OBI1: variants seen among roughly 807,000 people sequenced by gnomAD.
The protein encoded by OBI1 is ORC ubiquitin ligase 1, also known as ring finger protein 219.
Under a neutral mutation model 62.4 loss-of-function variants are expected in OBI1, and 59 were observed. The observed-to-expected ratio is 0.95, with a 90% CI of 0.77 to 1.17. OBI1 has a LOEUF of 1.17. OBI1 is among the 50% of genes most tolerant of loss of function. OBI1 has a pLI of 0.00. For missense variants in OBI1, 875 were observed against 830.9 expected (o/e 1.05, Z -0.65); for synonymous variants, 302 against 292.8 (o/e 1.03, Z -0.32).
chr13:78,654,619 T>C (rs1260949271), intron 1 of OBI1, among the ~76,000 whole-genome samples: 2 of 152,112 alleles, frequency 1.3e-5, no homozygotes, highest in Non-Finnish European at 2.9e-5. Flanking sequence ...ATAAACAATA[T>C]GGGTGAGAAG....
At chr13:78,646,710 A>T (rs1205814213) in intron 1 of OBI1, among the ~76,000 whole-genome samples, 1 of 152,196 alleles carries the variant, frequency 6.6e-6, no homozygotes, top group East Asian at 1.9e-4. Flanking sequence ...GTGCTACTCT[A>T]TGTCTGCCTT....
intron 4 of OBI1, among the ~76,000 whole-genome samples, chr13:78,637,202 T>A (rs1876056040): frequency 6.6e-6 from 1 of 152,232 alleles, no homozygotes; most frequent in African/African-American, 2.4e-5. Context: ...TTATTCTGAA[T>A]CTTTTGTATT....
intron 1 of OBI1, among the ~76,000 whole-genome samples, chr13:78,649,355 A>T (rs1876477939): frequency 6.6e-6 from 1 of 152,228 alleles, no homozygotes; most frequent in Non-Finnish European, 1.5e-5. Flanking sequence ...TCAAGGCAAG[A>T]AAGTTTTTCA....
rs144588084 is a variant in OBI1, at chr13:78,638,999, T to G, written c.373A>C (p.Lys125Gln). The G allele has an allele frequency of 1.8e-3, 2,926 of 1,613,964 alleles. 3 individuals carry two copies. Among genetic ancestry groups the G allele is most frequent in the Non-Finnish European group, 2.3e-3 (2,742 of 1,179,884 alleles). ...AAGGTTAAAGGATCCAGAATAGTTT[T>G]GATCTGTGACTCCAAGCTGAGATTT... Reference protein sequence around the residue: ...SKNLSLESQIKTILDPLTLVQ... With the variant: ...SKNLSLESQIQTILDPLTLVQ... Residue 125 changes from lysine (K) to glutamine (Q), a missense_variant, in exon 4 of 6, where the codon AAA (lysine) becomes CAA (glutamine). Transcript: ENST00000282003.
At position 78,616,144 on chromosome 13, in the gene OBI1, A is replaced by G; in HGVS notation, c.1617T>C (p.Ser539=). Reference sequence around the variant, plus strand: ...ACTCTGACATCATTGAATCCAACTCAGAGATTTTGTCAAGGTAAGCAGCAT... The same window carrying G: ...ACTCTGACATCATTGAATCCAACTCGGAGATTTTGTCAAGGTAAGCAGCAT... ...SMDAAYLDKI[S]ELDSMMSESD... Residue 539 remains serine, a synonymous_variant, in exon 6 of 6, where the codon TCT becomes TCC. Coordinates refer to ENST00000282003, the MANE Select transcript of OBI1 (RefSeq NM_024546.4). 6.2e-7 allele frequency: 1 copy of G among 1,614,080 alleles called. No homozygotes were observed. Among genetic ancestry groups the G allele is most frequent in the Non-Finnish European group, 8.5e-7 (1 of 1,179,978 alleles).
chr13:78,637,561 T>TA (rs1315433646), intron 4 of OBI1, among the ~76,000 whole-genome samples: 3 of 152,236 alleles, frequency 2.0e-5, no homozygotes, highest in Non-Finnish European at 4.4e-5. Flanking sequence ...GGAGATCATA[T>TA]AGTGCTTACC....
chr13:78,649,149 G>T (rs1460840202), intron 1 of OBI1, among the ~76,000 whole-genome samples: 1 of 152,172 alleles, frequency 6.6e-6, no homozygotes. Context: ...AGTTCAACAA[G>T]GCAGGTTTTG....
chr13:78,615,362 T>C lies in OBI1; in HGVS notation c.*218A>G, dbSNP rs2137420247. 2.6e-6 allele frequency: 1 copy of C among 384,364 alleles called. No individual in the cohort carries two copies. The highest frequency in any genetic ancestry group is 3.9e-5 in the East Asian group (1 of 25,474). 23.8% of individuals were successfully genotyped at this position (384,364 alleles called of 1,614,324 possible). On this transcript the variant is annotated 3_prime_UTR_variant, in exon 6 of 6. Transcript: ENST00000282003. ...AAAATAACCTCCTCCCTAACTTCTC[T>C]GGTCACAAAGACTCCCAAATAAAAA... is the stretch of plus-strand genomic sequence containing the variant.
chr13:78,645,929 C>T (rs957635822), intron 1 of OBI1, among the ~76,000 whole-genome samples: 2 of 152,308 alleles, frequency 1.3e-5, no homozygotes, highest in African/African-American at 2.4e-5. Context: ...GGATTACAGG[C>T]GTGAGCCACC....
At chr13:78,646,261 A>C (rs1034131846) in intron 1 of OBI1, among the ~76,000 whole-genome samples, 1 of 152,136 alleles carries the variant, frequency 6.6e-6, no homozygotes, top group African/African-American at 2.4e-5. Context: ...TCAGAATGGA[A>C]ACTCCATGAG....
At chr13:78,643,138 A>G (rs1240684110) in intron 2 of OBI1, among the ~76,000 whole-genome samples, 2 of 152,208 alleles carry the variant, frequency 1.3e-5, no homozygotes, top group African/African-American at 4.8e-5. Flanking sequence ...AGGATGTTCT[A>G]TCCAAATGCA....
At chr13:78,658,917 G>C in intron 1 of OBI1, 132 bp downstream of exon 1, 3 of 710,648 alleles carry the variant, frequency 4.2e-6, no homozygotes, top group Non-Finnish European at 7.3e-6. Context: ...CTCCCATCAA[G>C]AACGCGGGTT....
intron 1 of OBI1, among the ~76,000 whole-genome samples, chr13:78,650,313 T>C (rs1308741571): frequency 1.3e-5 from 2 of 152,264 alleles, no homozygotes; most frequent in Non-Finnish European, 2.9e-5. Flanking sequence ...CTCCATGAGG[T>C]TGAAGTAATG....
At chr13:78,628,135 G>A (rs1400756167) in intron 5 of OBI1, among the ~76,000 whole-genome samples, 1 of 152,186 alleles carries the variant, frequency 6.6e-6, no homozygotes, top group Non-Finnish European at 1.5e-5. Flanking sequence ...TATGGACTCT[G>A]TTAAAAGGGT....
chr13:78,626,093 C>T (rs577597943), intron 5 of OBI1, among the ~76,000 whole-genome samples: 1 of 152,150 alleles, frequency 6.6e-6, no homozygotes, highest in Non-Finnish European at 1.5e-5. Context: ...TAAATAGATG[C>T]GGACAAGAAA....
intron 5 of OBI1, among the ~76,000 whole-genome samples, chr13:78,622,328 A>G (rs1441562130): frequency 1.3e-5 from 2 of 152,188 alleles, no homozygotes; most frequent in African/African-American, 4.8e-5. Context: ...TGTAGTCCCA[A>G]CTACTCAGGA....
rs563986950 is a variant in OBI1 at position 78,633,495 on chromosome 13, T to A, written c.638+1615A>T. On this transcript the variant is annotated intron_variant, in intron 5 of 5. Transcript: ENST00000282003. The stretch of plus-strand genomic sequence containing the variant: ...TTCCATTGTTTGCTTATTCCTGCAT[T>A]GTCTTTTTCCATTAGAAAGAAATGA... Among the ~76,000 whole-genome samples, 308 of 152,328 alleles carry A rather than the reference T, an allele frequency of 2.0e-3. 1 individual carries two copies. Among genetic ancestry groups the A allele is most frequent in the Non-Finnish European group, 3.9e-3 (267 of 68,036 alleles).
chr13:78,629,727 T>C (rs1875788055), intron 5 of OBI1, among the ~76,000 whole-genome samples: 1 of 152,174 alleles, frequency 6.6e-6, no homozygotes, highest in Non-Finnish European at 1.5e-5. Flanking sequence ...CCTTTCTTGA[T>C]GTTTCTTACC....
chr13:78,649,064 C>T (rs1427280709), intron 1 of OBI1, among the ~76,000 whole-genome samples: 1 of 152,150 alleles, frequency 6.6e-6, no homozygotes, highest in Non-Finnish European at 1.5e-5. Context: ...AAGCAGATTT[C>T]GCACAAGGTA....
Sources: gnomAD v4.1 joint callset for allele counts (sites outside exome capture counted in the v4.1 genomes callset) on GRCh38, gnomAD v4.1.1 for gene constraint, MANE v1.5 for transcripts, NCBI Gene and HGNC (gene_info 2026-07-23, HGNC 2026-07-21) for gene names.